The following GPC5 variants were observed in gnomAD, a reference collection of about 807,000 sequenced individuals.
GPC5 encodes glypican 5, also known as glypican-5.
A neutral mutation model predicts 53.9 loss-of-function variants in GPC5; 47 were observed. The observed-to-expected ratio is 0.87, with a 90% CI of 0.69 to 1.11. The LOEUF is 1.11. GPC5 is among the 50% of genes most tolerant of loss of function. The probability of loss-of-function intolerance (pLI) is 0.00; values close to 1 mark genes in which losing one functional copy is unlikely to be tolerated. For missense variants in GPC5, 748 were observed against 713.1 expected (o/e 1.05, Z -0.56); for synonymous variants, 286 against 263.3 (o/e 1.09, Z -0.84).
chr13:91,852,021 T>C (rs1332117211), intron 5 of GPC5, among the ~76,000 whole-genome samples: 3 of 151,394 alleles, frequency 2.0e-5, no homozygotes, highest in Non-Finnish European at 4.4e-5. Context: ...TACCCAGTAA[T>C]GGGATGGCTG....
chr13:91,803,658 TA>T (rs1202898471), intron 5 of GPC5, among the ~76,000 whole-genome samples: 2 of 152,164 alleles, frequency 1.3e-5, no homozygotes, highest in African/African-American at 4.8e-5. Flanking sequence ...ACATTAAGTT[TA>T]ACAATTGTTA....
intron 6 of GPC5, among the ~76,000 whole-genome samples, chr13:91,985,403 G>T (rs2040397702): frequency 7.0e-6 from 1 of 142,410 alleles, no homozygotes; most frequent in Non-Finnish European, 1.5e-5. Context: ...GACAATCTTT[G>T]CCTTTTAATT....
intron 2 of GPC5, among the ~76,000 whole-genome samples, chr13:91,667,691 T>C (rs1369331780): frequency 1.3e-5 from 2 of 152,170 alleles, no homozygotes; most frequent in African/African-American, 4.8e-5. Flanking sequence ...TGATTCCTGC[T>C]CAGTCAGGTC....
chr13:91,734,690 G>T (rs1188599989), intron 4 of GPC5, among the ~76,000 whole-genome samples: 2 of 133,772 alleles, frequency 1.5e-5, no homozygotes. Context: ...TGTGAACTGG[G>T]AACTGGGTGA....
At position 92,200,974 on chromosome 13, in the gene GPC5, GACACACACACACAC is replaced by G. The variant is rs66619017; in HGVS notation, c.1561+56008_1561+56021del. Among the ~76,000 whole-genome samples the G allele has an allele frequency of 2.0e-3, 288 of 147,006 alleles. 1 individual carries two copies. Among genetic ancestry groups the G allele is most frequent in the Middle Eastern group, 0.01 (3 of 286 alleles). On this transcript the variant is annotated intron_variant, in intron 7 of 7. Transcript: ENST00000377067. ...CAACAGACAGACACACAGGCACTCA[GACACACACACACAC>G]ACACACACACACACACACACACGCA...
intron 7 of GPC5, among the ~76,000 whole-genome samples, chr13:92,354,248 C>T (rs759750738): frequency 7.9e-5 from 12 of 152,118 alleles, no homozygotes; most frequent in African/African-American, 1.9e-4. Flanking sequence ...AAAGAAATCA[C>T]GCTATTTCAT....
chr13:91,935,220 A>T (rs905398279), intron 6 of GPC5, among the ~76,000 whole-genome samples: 1 of 152,026 alleles, frequency 6.6e-6, no homozygotes, highest in Non-Finnish European at 1.5e-5. Context: ...TGAATTGCTA[A>T]TCATTTGGCT....
chr13:92,164,641 C>T (rs956885985), intron 7 of GPC5, among the ~76,000 whole-genome samples: 11 of 152,258 alleles, frequency 7.2e-5, no homozygotes, highest in Admixed American at 6.5e-5. Context: ...TGCAAGCTGT[C>T]AGTGGATATA....
intron 7 of GPC5, among the ~76,000 whole-genome samples, chr13:92,405,586 CTTAAA>C (rs905539044): frequency 2.0e-5 from 3 of 152,110 alleles, no homozygotes; most frequent in African/African-American, 2.4e-5. Flanking sequence ...GAAATTTAAA[CTTAAA>C]TTAAAAAGAG....
In GPC5 at chr13:92,162,690, A is replaced by G. The variant is rs555218813; in HGVS notation, c.1561+17701A>G. 2.6e-5 allele frequency among the ~76,000 whole-genome samples: 4 copies of G among 152,366 alleles called. No homozygotes were observed. In the East Asian group the frequency reaches 7.7e-4, roughly 29 times the overall value. ...TATACAATGTAGGCTGGGGACTGGCATGAGCCAACTCATGTATTAAAACCT... is the reference window on the plus strand; with the variant it reads ...TATACAATGTAGGCTGGGGACTGGCGTGAGCCAACTCATGTATTAAAACCT... On this transcript the variant is annotated intron_variant, in intron 7 of 7. Transcript: ENST00000377067.
At chr13:92,584,495 G>T (rs1883472181) in intron 7 of GPC5, among the ~76,000 whole-genome samples, 1 of 152,142 alleles carries the variant, frequency 6.6e-6, no homozygotes, top group South Asian at 2.1e-4. Context: ...GGTGACTTGG[G>T]TGCTGTTAAA....
chr13:92,188,901 C>A (rs1330980), intron 7 of GPC5, among the ~76,000 whole-genome samples: 150,157 of 152,300 alleles, frequency 0.99, 74,067 homozygotes, highest in East Asian at 1. Context: ...TCTGTTAGAG[C>A]AGTGAGGTCA....
chr13:92,203,643 A>AT (rs1555318897), intron 7 of GPC5, among the ~76,000 whole-genome samples: 3 of 119,532 alleles, frequency 2.5e-5, no homozygotes, highest in Middle Eastern at 5.5e-3. Context: ...ATAATAAAAA[A>AT]ATATATATAT....
At chr13:91,550,381 G>T (rs752747923) in intron 2 of GPC5, among the ~76,000 whole-genome samples, 1 of 152,110 alleles carries the variant, frequency 6.6e-6, no homozygotes, top group African/African-American at 2.4e-5. Flanking sequence ...TGATGTGTCA[G>T]TATAGGTTCA....
intron 2 of GPC5, among the ~76,000 whole-genome samples, chr13:91,544,279 G>A (rs2030145188): frequency 6.6e-6 from 1 of 152,050 alleles, no homozygotes; most frequent in South Asian, 2.1e-4. Context: ...TAAATTTAGA[G>A]TTTTAATTTC....
chr13:92,632,983 G>C (rs9561096), intron 7 of GPC5, among the ~76,000 whole-genome samples: 1 of 151,882 alleles, frequency 6.6e-6, no homozygotes, highest in African/African-American at 2.4e-5. Flanking sequence ...CTCTGTCTCC[G>C]GGGTTCAAGC....
intron 1 of GPC5, among the ~76,000 whole-genome samples, chr13:91,401,105 C>T (rs1241302093): frequency 6.6e-6 from 1 of 152,064 alleles, no homozygotes; most frequent in Non-Finnish European, 1.5e-5. Context: ...ATGCTAAGTT[C>T]CTTTAATATT....
At chr13:92,089,895 T>C (rs568756348) in intron 6 of GPC5, among the ~76,000 whole-genome samples, 2 of 152,318 alleles carry the variant, frequency 1.3e-5, no homozygotes, top group South Asian at 4.1e-4. Flanking sequence ...AACTTAGTTT[T>C]TGTAGACACT....
At chr13:92,247,024 C>A in intron 7 of GPC5, among the ~76,000 whole-genome samples, 1 of 152,056 alleles carries the variant, frequency 6.6e-6, no homozygotes. Flanking sequence ...ACAATGGTTG[C>A]CCTGTGTGGG....
Sources: gnomAD v4.1 joint callset for allele counts (sites outside exome capture counted in the v4.1 genomes callset) on GRCh38, gnomAD v4.1.1 for gene constraint, MANE v1.5 for transcripts, NCBI Gene and HGNC (gene_info 2026-07-23, HGNC 2026-07-21) for gene names.